The following IL2RA variants were observed in gnomAD, a reference collection of about 807,000 sequenced individuals.
The protein encoded by IL2RA is interleukin 2 receptor subunit alpha, also known as interleukin-2 receptor subunit alpha.
A neutral mutation model predicts 37.8 loss-of-function variants in IL2RA; 24 were observed. That is an observed-to-expected ratio of 0.63 (90% CI 0.46 to 0.89). The LOEUF is 0.89. IL2RA is among the 40% of genes least tolerant of loss of function. The pLI is 0.00. For missense variants in IL2RA, 319 were observed against 348.6 expected, an observed-to-expected ratio of 0.92 and a Z score of 0.68; for synonymous variants, 125 against 114.6, an observed-to-expected ratio of 1.09 and a Z score of -0.58.
In IL2RA at chr10:6,047,138, G is replaced by A. The variant is rs146168498; in HGVS notation, c.64+14950C>T. 2.1e-4 allele frequency among the ~76,000 whole-genome samples: 32 copies of A among 152,292 alleles called. No individual in the cohort carries two copies. The highest frequency in any genetic ancestry group is 7.5e-4 in the African/African-American group (31 of 41,560). ...ACCCTCAAATCCCTGCATGCCCTGC[G>A]CATGCCCTAACCCTGAGGAGGTGCT... On this transcript the variant is annotated intron_variant, in intron 1 of 7. Coordinates refer to ENST00000379959, the MANE Select transcript of IL2RA (RefSeq NM_000417.3). The surrounding 1 kb of genome is among the most constrained non-coding windows in gnomAD (Gnocchi z 5.0).
At position 6,028,195 on chromosome 10, in the gene IL2RA, C is replaced by T. The variant is rs75578321; in HGVS notation, c.65-2170G>A. On this transcript the variant is annotated intron_variant, in intron 1 of 7. Transcript: ENST00000379959. This position sits in a 1 kb window ranked among gnomAD's most constrained non-coding sequence, Gnocchi z 4.1. The stretch of plus-strand genomic sequence containing the variant: ...GAGTGGTTTCATTGACGTGACATGA[C>T]TGGGATTTGTGGGGTGGGGCTCTGG... 8.7e-3 allele frequency among the ~76,000 whole-genome samples: 1,321 copies of T among 152,102 alleles called. 16 individuals carry two copies. Among genetic ancestry groups the T allele is most frequent in the South Asian group, 0.04 (191 of 4,814 alleles).
chr10:6,021,728 G>T lies in IL2RA; in HGVS notation c.368-35C>A. 2.5e-6 allele frequency: 4 copies of T among 1,589,684 alleles called. No individual in the cohort carries two copies. Among genetic ancestry groups the T allele is most frequent in the Non-Finnish European group, 3.5e-6 (4 of 1,158,448 alleles). The stretch of plus-strand genomic sequence containing the variant: ...GGAAGGAATGCTCTGAAGGCAAGTT[G>T]GGGACAGCACCGCGAGTGAGTCCAG... On this transcript the variant is annotated intron_variant, in intron 3 of 7. Coordinates refer to ENST00000379959, the MANE Select transcript of IL2RA (RefSeq NM_000417.3). This position sits in a 1 kb window ranked among gnomAD's most constrained non-coding sequence, Gnocchi z 4.9.
rs981543792 is a variant in IL2RA, at chr10:6,015,229, A to G, written c.795-2333T>C. On this transcript the variant is annotated intron_variant, in intron 7 of 7. Transcript: ENST00000379959. This position sits in a 1 kb window ranked among gnomAD's most constrained non-coding sequence, Gnocchi z 4.9. ...TGCATCAGCCTCCCGAGTAGCTAAG[A>G]TTATAGGTGCGCACCATGACAGCCA... Among the ~76,000 whole-genome samples the G allele has an allele frequency of 6.6e-6, 1 of 151,868 alleles. No homozygotes were observed. The highest frequency in any genetic ancestry group is 2.4e-5 in the African/African-American group (1 of 41,314).
intron 7 of IL2RA, 149 bp from the exon 8 acceptor site, chr10:6,013,045 G>T: frequency 2.7e-6 from 2 of 750,894 alleles, no homozygotes; most frequent in Non-Finnish European, 4.7e-6. Flanking sequence ...GGCCAGGCTG[G>T]TCTCGAACTC....
rs183588952 is a variant in IL2RA, at chr10:6,028,663, A to T, written c.65-2638T>A. Among the ~76,000 whole-genome samples the T allele has an allele frequency of 6.6e-6, 1 of 152,320 alleles. No homozygotes were observed. The highest frequency in any genetic ancestry group is 6.5e-5 in the Admixed American group (1 of 15,304). ...TCTAGACATGTGAAGAAACAGGAAA[A>T]TGTGACATACTTGACCTACTCAAAA... On this transcript the variant is annotated intron_variant, in intron 1 of 7. Coordinates refer to ENST00000379959, the MANE Select transcript of IL2RA (RefSeq NM_000417.3). The surrounding 1 kb of genome is among the most constrained non-coding windows in gnomAD (Gnocchi z 4.1).
chr10:6,016,935 A>G (rs1393993416), intron 7 of IL2RA: 1 of 152,224 alleles, frequency 6.6e-6, no homozygotes, highest in African/African-American at 2.4e-5. Context: ...AGCTACAAAA[A>G]TATTTCCTAT....
rs1185292601 is a variant in IL2RA, at chr10:6,022,704, G to A, written c.368-1011C>T. On this transcript the variant is annotated intron_variant, in intron 3 of 7. Coordinates refer to ENST00000379959, the MANE Select transcript of IL2RA (RefSeq NM_000417.3). This position sits in a 1 kb window ranked among gnomAD's most constrained non-coding sequence, Gnocchi z 4.7. ...AGGATAAAAGGTTGTTTGACAGCCAGTACAATTCGTAACTGTCTGAACATG... is the reference window on the plus strand; with the variant it reads ...AGGATAAAAGGTTGTTTGACAGCCAATACAATTCGTAACTGTCTGAACATG... Among the ~76,000 whole-genome samples, 1 of 152,252 alleles carries A rather than the reference G, an allele frequency of 6.6e-6. No homozygotes were observed. The highest frequency in any genetic ancestry group is 1.9e-4 in the East Asian group (1 of 5,204).
Position 6,018,016 on chromosome 10 carries a change from A to AT in IL2RA, c.794+36dup. Reference sequence around the variant, plus strand: ...GGGTGGGGCTGGGTACAGGACTTTGATCTGACCAAGGGCTGCCTTGGTGAT... The same window carrying AT: ...GGGTGGGGCTGGGTACAGGACTTTGATTCTGACCAAGGGCTGCCTTGGTGAT... On this transcript the variant is annotated intron_variant, in intron 7 of 7. Coordinates refer to ENST00000379959, the MANE Select transcript of IL2RA (RefSeq NM_000417.3). This position sits in a 1 kb window ranked among gnomAD's most constrained non-coding sequence, Gnocchi z 5.1. 1.3e-6 allele frequency: 2 copies of AT among 1,587,460 alleles called. No homozygotes were observed. Among genetic ancestry groups the AT allele is most frequent in the South Asian group, 1.1e-5 (1 of 89,482 alleles).
intron 1 of IL2RA, among the ~76,000 whole-genome samples, chr10:6,061,092 T>C (rs887102988): frequency 2.0e-5 from 3 of 152,036 alleles, no homozygotes; most frequent in African/African-American, 7.2e-5. Flanking sequence ...TTTTATTTCT[T>C]TAAAAAAAAA....
Position 6,033,264 on chromosome 10 carries a change from C to T in IL2RA, c.65-7239G>A, listed in dbSNP as rs1839629362. ...TGAGATCACGCCACTGCCCTCCAGC[C>T]TGGGCAACAGAGTGAGACTCTGTCT... is the stretch of plus-strand genomic sequence containing the variant. On this transcript the variant is annotated intron_variant, in intron 1 of 7. Coordinates refer to ENST00000379959, the MANE Select transcript of IL2RA (RefSeq NM_000417.3). The surrounding 1 kb of genome is among the most constrained non-coding windows in gnomAD (Gnocchi z 4.3). 1.3e-5 allele frequency among the ~76,000 whole-genome samples: 2 copies of T among 151,952 alleles called. No individual in the cohort carries two copies. The highest frequency in any genetic ancestry group is 2.9e-5 in the Non-Finnish European group (2 of 67,990).
chr10:6,041,306 G>A (rs1433904473), intron 1 of IL2RA, among the ~76,000 whole-genome samples: 2 of 151,878 alleles, frequency 1.3e-5, no homozygotes, highest in East Asian at 1.9e-4. Context: ...TAGTAGAGAC[G>A]GGGTTTCACT....
At chr10:6,041,203 C>T (rs1221621354) in intron 1 of IL2RA, among the ~76,000 whole-genome samples, 2 of 151,306 alleles carry the variant, frequency 1.3e-5, no homozygotes, top group Non-Finnish European at 2.9e-5. Flanking sequence ...CTGCAAGCTC[C>T]GCCTCTCGGG....
intron 1 of IL2RA, among the ~76,000 whole-genome samples, chr10:6,050,516 T>C (rs1482147136): frequency 6.6e-6 from 1 of 152,096 alleles, no homozygotes; most frequent in Non-Finnish European, 1.5e-5. Context: ...CGATGGGGCA[T>C]GCCTGTAATC....
At chr10:6,055,251 T>C (rs1273427171) in intron 1 of IL2RA, among the ~76,000 whole-genome samples, 1 of 152,180 alleles carries the variant, frequency 6.6e-6, no homozygotes, top group Admixed American at 6.5e-5. Flanking sequence ...CTGTTCCTAG[T>C]GAATCAGACC....
chr10:6,057,726 C>G lies in IL2RA; in HGVS notation c.64+4362G>C, dbSNP rs1840068066. On this transcript the variant is annotated intron_variant, in intron 1 of 7. Coordinates refer to ENST00000379959, the MANE Select transcript of IL2RA (RefSeq NM_000417.3). The surrounding 1 kb of genome is among the most constrained non-coding windows in gnomAD (Gnocchi z 4.8). ...CTTTTTCTGTAAAGTTTCTGCTCAT[C>G]CTTGGGCAAGAAGAGGAGCAGGGAA... Among the ~76,000 whole-genome samples the G allele has an allele frequency of 6.6e-6, 1 of 152,202 alleles. No homozygotes were observed. The highest frequency in any genetic ancestry group is 2.1e-4 in the South Asian group (1 of 4,828).
chr10:6,039,445 A>T (rs1564548688), intron 1 of IL2RA: 1 of 152,234 alleles, frequency 6.6e-6, no homozygotes, highest in African/African-American at 2.4e-5. Context: ...TTTATGATGG[A>T]TAGGACAGAC....
In IL2RA at chr10:6,022,656, G is replaced by A. The variant is rs1271899388; in HGVS notation, c.368-963C>T. 6.6e-6 allele frequency among the ~76,000 whole-genome samples: 1 copy of A among 151,136 alleles called. No homozygotes were observed. ...TGCCATGTGGCACCTTGAACATCACGACTGAACTTGTGTTTTGGTCTCAGG... is the reference window on the plus strand; with the variant it reads ...TGCCATGTGGCACCTTGAACATCACAACTGAACTTGTGTTTTGGTCTCAGG... On this transcript the variant is annotated intron_variant, in intron 3 of 7. Transcript: ENST00000379959. This position sits in a 1 kb window ranked among gnomAD's most constrained non-coding sequence, Gnocchi z 4.7.
intron 1 of IL2RA, 153 bp from the exon 2 acceptor site, chr10:6,026,178 A>G (rs1293319807): frequency 9.1e-6 from 7 of 769,892 alleles, no homozygotes; most frequent in Admixed American, 6.9e-5. Context: ...GGCTGCTACC[A>G]TTGTTCTTTA....
rs7093069 is a variant in IL2RA, at chr10:6,021,356, C to T, written c.583+122G>A. On this transcript the variant is annotated intron_variant, in intron 4 of 7. Transcript: ENST00000379959. This position sits in a 1 kb window ranked among gnomAD's most constrained non-coding sequence, Gnocchi z 4.9. ...CTCAGAATGAGAAAAAATGGAAGCCCAGGGAGATCAAGGGTCTTGTCCAAG... is the reference window on the plus strand; with the variant it reads ...CTCAGAATGAGAAAAAATGGAAGCCTAGGGAGATCAAGGGTCTTGTCCAAG... The T allele has an allele frequency of 0.17, 147,558 of 854,316 alleles. 13,486 individuals are homozygous for T. Among genetic ancestry groups the T allele is most frequent in the African/African-American group, 0.23 (13,768 of 59,532 alleles). The allele number at this position is 854,316 out of a possible 1,614,324, so 52.9% of individuals were successfully genotyped here.
Sources: gnomAD v4.1 joint callset for allele counts (sites outside exome capture counted in the v4.1 genomes callset) on GRCh38, gnomAD v4.1.1 for gene constraint, Gnocchi (gnomAD v3.1) non-coding constraint, MANE v1.5 for transcripts, NCBI Gene and HGNC (gene_info 2026-07-23, HGNC 2026-07-21) for gene names.